Variants in COPG2 observed in about 807,000 individuals in gnomAD.
COPG2 encodes the protein coatomer subunit gamma-2.
COPG2 carries 37 observed loss-of-function variants against 46.3 expected under a neutral mutation model. That is an observed-to-expected ratio of 0.80 (90% CI 0.61 to 1.05). The LOEUF is 1.05. COPG2 is among the 50% of genes least tolerant of loss of function. COPG2 has a pLI of 0.00. For synonymous variants in COPG2, 159 were observed against 129.7 expected (o/e 1.23, Z -1.53); for missense variants, 427 against 387.8 (o/e 1.10, Z -0.85).
intron 5 of COPG2, among the ~76,000 whole-genome samples, chr7:130,640,727 T>A (rs368780237): frequency 6.2e-4 from 94 of 152,198 alleles, no homozygotes; most frequent in African/African-American, 2.2e-3. Context: ...GACAGAAAGG[T>A]TTCTCAACAC....
At chr7:130,635,318 C>T (rs1228961803) in intron 5 of COPG2, among the ~76,000 whole-genome samples, 1 of 151,882 alleles carries the variant, frequency 6.6e-6, no homozygotes, top group Non-Finnish European at 1.5e-5. Context: ...TGGTAGAATT[C>T]GGCTGTGAAC....
chr7:130,564,279 C>G lies in COPG2; in HGVS notation c.852G>C (p.Glu284Asp). 2.5e-6 allele frequency: 1 copy of G among 398,572 alleles called. No individual in the cohort carries two copies. Among genetic ancestry groups the G allele is most frequent in the East Asian group, 3.6e-5 (1 of 28,072 alleles). 24.7% of individuals were successfully genotyped at this position (398,572 alleles called of 1,614,324 possible). Reference sequence around the variant, plus strand: ...ACAAACCTGAAACAGCAGGTGCCAACTCTCTTGCAGTGCAGTTAGGAAGAT... The same window carrying G: ...ACAAACCTGAAACAGCAGGTGCCAAGTCTCTTGCAGTGCAGTTAGGAAGAT... ...IIHLPNCTAR[E>D]LAPAVSVLQL... Residue 284 changes from glutamate (E) to aspartate (D), a missense_variant, in exon 10 of 24, where the codon GAG (glutamate) becomes GAC (aspartate). By Grantham distance (45) the Glu-to-Asp change is conservative. Coordinates refer to ENST00000425248, the MANE Select transcript of COPG2 (RefSeq NM_012133.6).
intron 20 of COPG2, chr7:130,511,573 G>T (rs1554441010): frequency 5.8e-6 from 3 of 519,562 alleles, no homozygotes; most frequent in South Asian, 4.2e-5. Context: ...GTTGTCCTCA[G>T]ATGAAAAGGA....
chr7:130,552,213 G>T (rs1187483144), intron 15 of COPG2, 142 bp downstream of exon 15: 2 of 390,172 alleles, frequency 5.1e-6, no homozygotes, highest in Admixed American at 8.9e-5. Flanking sequence ...AAAGAGAAAG[G>T]AATTGCCATT....
chr7:130,650,279 T>C (rs1347068256), intron 5 of COPG2, among the ~76,000 whole-genome samples: 1 of 152,212 alleles, frequency 6.6e-6, no homozygotes, highest in Non-Finnish European at 1.5e-5. Context: ...TGCCATGTAA[T>C]GTACATATTC....
chr7:130,526,596 G>A (rs1799776586), intron 20 of COPG2, among the ~76,000 whole-genome samples: 1 of 150,790 alleles, frequency 6.6e-6, no homozygotes, highest in Non-Finnish European at 1.5e-5. Context: ...GACAGCCACA[G>A]GCAGGACAGC....
chr7:130,582,803 A>G (rs1433050606), intron 9 of COPG2, among the ~76,000 whole-genome samples: 8 of 151,836 alleles, frequency 5.3e-5, no homozygotes, highest in Non-Finnish European at 1.0e-4. Context: ...ATGAGATACC[A>G]TCTCACAACA....
chr7:130,613,138 T>C (rs1158248174), intron 7 of COPG2, among the ~76,000 whole-genome samples: 1 of 152,182 alleles, frequency 6.6e-6, no homozygotes, highest in South Asian at 2.1e-4. Context: ...GGCAGAGGGA[T>C]AGTTTTTGGA....
chr7:130,508,788 G>A, intron 20 of COPG2, 129 bp from the exon 21 acceptor site: 2 of 621,106 alleles, frequency 3.2e-6, no homozygotes, highest in East Asian at 5.5e-5. Context: ...GTCTGGGGTA[G>A]TGGTTCTCAA....
chr7:130,638,297 C>A (rs968074705), intron 5 of COPG2, among the ~76,000 whole-genome samples: 5 of 152,256 alleles, frequency 3.3e-5, no homozygotes, highest in Admixed American at 2.6e-4. Context: ...CAGGCAGGAA[C>A]GTTCAAGTCT....
chr7:130,507,500 AG>A, intron 22 of COPG2, 128 bp from the exon 23 acceptor site: 4 of 702,050 alleles, frequency 5.7e-6, no homozygotes, highest in South Asian at 5.0e-5. Context: ...TGATGTGTAG[AG>A]GGAGGCTACT....
At chr7:130,662,113 A>G (rs537636811) in intron 4 of COPG2, among the ~76,000 whole-genome samples, 3 of 152,294 alleles carry the variant, frequency 2.0e-5, no homozygotes, top group East Asian at 3.9e-4. Context: ...TTCTGCTAGT[A>G]GAAGCATCAG....
chr7:130,628,057 T>A (rs1554454559), intron 5 of COPG2, among the ~76,000 whole-genome samples: 1 of 152,200 alleles, frequency 6.6e-6, no homozygotes, highest in East Asian at 1.9e-4. Flanking sequence ...GTTTAGACAA[T>A]CCATTATTAA....
At chr7:130,610,643 A>T (rs373710718) in intron 9 of COPG2, 1 of 555,718 alleles carries the variant, frequency 1.8e-6, no homozygotes, top group Non-Finnish European at 3.5e-6. Context: ...TAAAAGGGAT[A>T]GGATAATTCT....
chr7:130,561,879 T>C (rs1040819255), intron 11 of COPG2, among the ~76,000 whole-genome samples: 51 of 152,328 alleles, frequency 3.3e-4, no homozygotes, highest in Non-Finnish European at 7.3e-4. Context: ...TTGACAAGGA[T>C]AGTCATATGT....
At chr7:130,612,892 G>A (rs899610314) in intron 7 of COPG2, among the ~76,000 whole-genome samples, 2 of 152,100 alleles carry the variant, frequency 1.3e-5, no homozygotes, top group Non-Finnish European at 2.9e-5. Flanking sequence ...CATAAAGGCA[G>A]GTCATAAAGA....
intron 9 of COPG2, among the ~76,000 whole-genome samples, chr7:130,606,921 C>T (rs558903204): frequency 9.9e-5 from 15 of 152,246 alleles, no homozygotes; most frequent in African/African-American, 3.4e-4. Context: ...TTCCCCTGTT[C>T]ATTCATGGTA....
chr7:130,512,663 A>G (rs1339543033), intron 20 of COPG2, among the ~76,000 whole-genome samples: 2 of 152,008 alleles, frequency 1.3e-5, no homozygotes, highest in Non-Finnish European at 2.9e-5. Flanking sequence ...GTAGTGGCAC[A>G]TGCCTGTAAT....
intron 20 of COPG2, among the ~76,000 whole-genome samples, chr7:130,524,635 A>G (rs1480101818): frequency 6.6e-6 from 1 of 152,160 alleles, no homozygotes; most frequent in South Asian, 2.1e-4. Flanking sequence ...GGATGCAGAG[A>G]ATCCAGGGAC....
Sources: gnomAD v4.1 joint callset for allele counts (sites outside exome capture counted in the v4.1 genomes callset) on GRCh38, gnomAD v4.1.1 for gene constraint, MANE v1.5 for transcripts, NCBI Gene and HGNC (gene_info 2026-07-23, HGNC 2026-07-21) for gene names.